Variants in CADPS2 observed in about 807,000 individuals in gnomAD.
CADPS2 encodes calcium dependent secretion activator 2, also known as calcium-dependent secretion activator 2.
CADPS2 carries 93 observed loss-of-function variants against 172.5 expected under a neutral mutation model. The ratio of observed to expected loss-of-function variants is 0.54; its 90% CI spans 0.46 to 0.64. CADPS2 has a LOEUF of 0.64. CADPS2 is among the 30% of genes least tolerant of loss of function. The probability of loss-of-function intolerance (pLI) is 0.00; values close to 1 mark genes in which losing one functional copy is unlikely to be tolerated. For missense variants in CADPS2, 1,420 were observed against 1,565.9 expected (o/e 0.91, Z 1.57); for synonymous variants, 546 against 555.2 (o/e 0.98, Z 0.23).
At chr7:122,751,952 T>C (rs1334866353) in intron 1 of CADPS2, among the ~76,000 whole-genome samples, 1 of 152,156 alleles carries the variant, frequency 6.6e-6, no homozygotes, top group Non-Finnish European at 1.5e-5. Context: ...TTTAGAAGCA[T>C]TATCCTGAAG....
chr7:122,637,973 T>C (rs2077236140), intron 3 of CADPS2, among the ~76,000 whole-genome samples: 1 of 152,210 alleles, frequency 6.6e-6, no homozygotes, highest in African/African-American at 2.4e-5. Context: ...ATCCAGTAGG[T>C]GCTCCTTAAG....
chr7:122,778,383 A>C lies in CADPS2; in HGVS notation c.340-41315T>G, dbSNP rs116129088. Among the ~76,000 whole-genome samples, 631 of 152,350 alleles carry C rather than the reference A, an allele frequency of 4.1e-3. 4 individuals are homozygous for C. Among genetic ancestry groups the C allele is most frequent in the African/African-American group, 0.014 (585 of 41,592 alleles). On this transcript the variant is annotated intron_variant, in intron 1 of 29. Transcript: ENST00000449022. ...CCTGATGATATAATAGAAAAGAAAA[A>C]GAAAAGAAAAACTGATTTTCTGGGG...
At chr7:122,839,365 A>C (rs1464986937) in intron 1 of CADPS2, among the ~76,000 whole-genome samples, 1 of 152,182 alleles carries the variant, frequency 6.6e-6, no homozygotes, top group Non-Finnish European at 1.5e-5. Flanking sequence ...GGACATAGGC[A>C]TGGGCAAGGA....
chr7:122,547,897 T>TTTA (rs1412873856), intron 8 of CADPS2, among the ~76,000 whole-genome samples: 4 of 152,156 alleles, frequency 2.6e-5, no homozygotes, highest in Non-Finnish European at 5.9e-5. Context: ...GGCAAAGGTC[T>TTTA]TTAGAATGCT....
At chr7:122,770,985 G>T (rs919193369) in intron 1 of CADPS2, among the ~76,000 whole-genome samples, 7 of 152,202 alleles carry the variant, frequency 4.6e-5, no homozygotes, top group Admixed American at 1.3e-4. Flanking sequence ...ACTGGAGGCT[G>T]CCAGAAATTC....
chr7:122,612,579 A>G (rs925548137), intron 6 of CADPS2, among the ~76,000 whole-genome samples: 2 of 151,878 alleles, frequency 1.3e-5, no homozygotes, highest in Admixed American at 6.6e-5. Context: ...TGTGTGGATC[A>G]GAAGACTTAA....
intron 22 of CADPS2, among the ~76,000 whole-genome samples, chr7:122,390,287 AC>A (rs2044212986): frequency 6.6e-6 from 1 of 152,112 alleles, no homozygotes; most frequent in Non-Finnish European, 1.5e-5. Context: ...TGAAAAAAAC[AC>A]TACCTTTATT....
intron 8 of CADPS2, among the ~76,000 whole-genome samples, chr7:122,545,620 A>C: frequency 6.6e-6 from 1 of 152,138 alleles, no homozygotes; most frequent in East Asian, 1.9e-4. Context: ...ATCGTAGAAA[A>C]GTCCTTGAAC....
At chr7:122,365,467 C>T (rs976340049) in intron 25 of CADPS2, among the ~76,000 whole-genome samples, 2 of 152,296 alleles carry the variant, frequency 1.3e-5, no homozygotes, top group Admixed American at 6.5e-5. Flanking sequence ...TGACTAGTAA[C>T]GATATACCTT....
intron 2 of CADPS2, among the ~76,000 whole-genome samples, chr7:122,712,912 A>C (rs1211579057): frequency 6.6e-6 from 1 of 151,828 alleles, no homozygotes; most frequent in African/African-American, 2.4e-5. Context: ...TGAGCTAATC[A>C]CCTCCCAAAG....
At chr7:122,637,717 C>T (rs890706160) in intron 3 of CADPS2, among the ~76,000 whole-genome samples, 5 of 152,216 alleles carry the variant, frequency 3.3e-5, no homozygotes, top group East Asian at 1.9e-4. Context: ...GTGTTTGTTT[C>T]GGCATAAAGA....
intron 28 of CADPS2, among the ~76,000 whole-genome samples, chr7:122,340,372 GAT>G (rs969483297): frequency 5.9e-5 from 9 of 152,186 alleles, no homozygotes; most frequent in African/African-American, 1.9e-4. Context: ...GCTAAAATGA[GAT>G]AGTTTCCAAG....
At chr7:122,867,044 T>G (rs1337712721) in intron 1 of CADPS2, among the ~76,000 whole-genome samples, 5 of 152,136 alleles carry the variant, frequency 3.3e-5, no homozygotes, top group Non-Finnish European at 5.9e-5. Context: ...TATTGGATAC[T>G]CTTTCCTCCT....
intron 9 of CADPS2, among the ~76,000 whole-genome samples, chr7:122,508,449 GTTTTTTTTTTTTTTTTT>G (rs1205155217): frequency 5.4e-4 from 37 of 68,436 alleles, no homozygotes; most frequent in Non-Finnish European, 1.1e-3. Context: ...ATTCATTTAA[GTTTTTTTTTTTTTTTTT>G]TTTTTTTTTT....
chr7:122,702,761 G>T lies in CADPS2; in HGVS notation c.453+34194C>A, dbSNP rs779944577. 6.0e-5 allele frequency: 94 copies of T among 1,570,292 alleles called. No homozygotes were observed. The South Asian group carries it at 8.6e-4, about 14-fold the overall frequency. ...TCTAAGGAAGCTCATGCCTCCATTT[G>T]TCTATTAAGAGACAAACATGAGAAA... On this transcript the variant is annotated intron_variant, in intron 2 of 29. Transcript: ENST00000449022.
chr7:122,544,784 AG>A (rs1486137551), intron 8 of CADPS2, among the ~76,000 whole-genome samples: 2 of 152,156 alleles, frequency 1.3e-5, no homozygotes, highest in Admixed American at 6.6e-5. Context: ...CCAAAGTTGG[AG>A]GGGACAAGAA....
intron 1 of CADPS2, among the ~76,000 whole-genome samples, chr7:122,756,903 G>GAA (rs373643348): frequency 1.5e-5 from 2 of 134,584 alleles, no homozygotes; most frequent in East Asian, 2.2e-4. Context: ...CCCTCTCAAG[G>GAA]AAAAAAAAAA....
chr7:122,698,189 C>G lies in CADPS2; in HGVS notation c.454-34620G>C, dbSNP rs756598580. On this transcript the variant is annotated intron_variant, in intron 2 of 29. Transcript: ENST00000449022. ...TTTGGATTTATTTCTTCATCCCCCT[C>G]TTTTACTACTCGAAGTTGGAGTTGT... 7 of 1,613,966 alleles carry G rather than the reference C, an allele frequency of 4.3e-6. No individual in the cohort carries two copies. The highest frequency in any genetic ancestry group is 5.9e-6 in the Non-Finnish European group (7 of 1,179,902).
intron 1 of CADPS2, among the ~76,000 whole-genome samples, chr7:122,827,510 T>C (rs778012592): frequency 1.8e-4 from 28 of 151,500 alleles, no homozygotes; most frequent in Non-Finnish European, 2.6e-4. Context: ...TGCACACATA[T>C]AATCCCAGCT....
Sources: gnomAD v4.1 joint callset for allele counts (sites outside exome capture counted in the v4.1 genomes callset) on GRCh38, gnomAD v4.1.1 for gene constraint, MANE v1.5 for transcripts, NCBI Gene and HGNC (gene_info 2026-07-23, HGNC 2026-07-21) for gene names.